Variants in TNNI3K observed in about 807,000 individuals in gnomAD.
TNNI3K encodes the protein TNNI3 interacting kinase, also known as serine/threonine-protein kinase TNNI3K.
In TNNI3K, 140 loss-of-function variants were observed where a neutral mutation model predicts 114.5. That is an observed-to-expected ratio of 1.22 (90% CI 1.07 to 1.41). The LOEUF (loss-of-function observed/expected upper bound fraction) is 1.41, where lower values mean the gene tolerates loss of function less well. TNNI3K is among the 40% of genes most tolerant of loss of function. TNNI3K has a pLI of 0.00. For synonymous variants in TNNI3K, 347 were observed against 347.5 expected, an observed-to-expected ratio of 1.00 and a Z score of 0.02; for missense variants, 1,125 against 1,007.6, an observed-to-expected ratio of 1.12 and a Z score of -1.58.
chr1:74,508,076 T>C (rs1470661967), intron 23 of TNNI3K, among the ~76,000 whole-genome samples: 1 of 152,224 alleles, frequency 6.6e-6, no homozygotes, highest in African/African-American at 2.4e-5. Context: ...TAGTGTATTC[T>C]AACACAGACG....
intron 23 of TNNI3K, among the ~76,000 whole-genome samples, chr1:74,529,636 T>C (rs1292248889): frequency 2.0e-5 from 3 of 152,220 alleles, no homozygotes; most frequent in Non-Finnish European, 4.4e-5. Flanking sequence ...ATGTCTTTAT[T>C]TTGGAAATAC....
intron 5 of TNNI3K, among the ~76,000 whole-genome samples, chr1:74,273,876 C>G (rs967471431): frequency 1.3e-5 from 2 of 151,732 alleles, no homozygotes; most frequent in Non-Finnish European, 2.9e-5. Context: ...AATTATTGAT[C>G]AAATAATAAA....
chr1:74,360,855 C>G (rs184352070), intron 11 of TNNI3K, among the ~76,000 whole-genome samples: 3 of 152,228 alleles, frequency 2.0e-5, no homozygotes, highest in East Asian at 3.9e-4. Context: ...CTGAAACACT[C>G]TCTTCTCTTA....
intron 5 of TNNI3K, among the ~76,000 whole-genome samples, chr1:74,311,755 G>C (rs908964311): frequency 2.0e-5 from 3 of 152,094 alleles, no homozygotes; most frequent in Non-Finnish European, 4.4e-5. Context: ...GCCTGTTTGA[G>C]TCTCTCCTCT....
At position 74,236,096 on chromosome 1, in the gene TNNI3K, T is replaced by C; in HGVS notation, c.41-6T>C. ...TGAATCAATCTCATTTGTTCTTCTT[T>C]ACTAGATGAATGGAAGAAAAAAGTC... is the stretch of plus-strand genomic sequence containing the variant. On this transcript the variant is annotated splice_region_variant and splice_polypyrimidine_tract_variant and intron_variant, in intron 1 of 24. Transcript: ENST00000326637. The C allele has an allele frequency of 6.2e-7, 1 of 1,602,692 alleles. No homozygotes were observed. The highest frequency in any genetic ancestry group is 8.5e-7 in the Non-Finnish European group (1 of 1,173,168).
chr1:74,375,789 A>G, intron 17 of TNNI3K: 1 of 348,462 alleles, frequency 2.9e-6, no homozygotes, highest in South Asian at 2.1e-5. Context: ...TTGAGTAATA[A>G]TAACACTCTT....
intron 17 of TNNI3K, among the ~76,000 whole-genome samples, chr1:74,402,469 A>G (rs1396949450): frequency 6.6e-6 from 1 of 152,202 alleles, no homozygotes; most frequent in Non-Finnish European, 1.5e-5. Flanking sequence ...GGAAGTCTTG[A>G]ACCATGGCAA....
At chr1:74,283,127 G>A (rs1384868351) in intron 5 of TNNI3K, among the ~76,000 whole-genome samples, 2 of 152,240 alleles carry the variant, frequency 1.3e-5, no homozygotes, top group African/African-American at 4.8e-5. Context: ...GTTTCTAAAA[G>A]TAAACCTTTC....
intron 17 of TNNI3K, among the ~76,000 whole-genome samples, chr1:74,429,609 G>A (rs1409043452): frequency 1.3e-5 from 2 of 152,112 alleles, no homozygotes; most frequent in Admixed American, 6.5e-5. Flanking sequence ...AAGGTCTGTG[G>A]CAGGAAGAGA....
chr1:74,511,649 G>A (rs924617871), intron 23 of TNNI3K, among the ~76,000 whole-genome samples: 1 of 152,030 alleles, frequency 6.6e-6, no homozygotes, highest in African/African-American at 2.4e-5. Flanking sequence ...GATCTCTTCA[G>A]TCCTGGGGGA....
intron 11 of TNNI3K, among the ~76,000 whole-genome samples, chr1:74,367,041 C>A (rs1662308837): frequency 6.6e-6 from 1 of 151,962 alleles, no homozygotes; most frequent in Non-Finnish European, 1.5e-5. Context: ...AGTACCCATT[C>A]CCAGTAGAGT....
intron 20 of TNNI3K, among the ~76,000 whole-genome samples, chr1:74,445,990 C>A (rs887070599): frequency 6.6e-6 from 1 of 152,122 alleles, no homozygotes; most frequent in African/African-American, 2.4e-5. Flanking sequence ...AATAATGCCA[C>A]AATAAACATA....
intron 20 of TNNI3K, among the ~76,000 whole-genome samples, chr1:74,448,542 G>T (rs1023655389): frequency 6.9e-6 from 1 of 145,232 alleles, no homozygotes; most frequent in Non-Finnish European, 1.5e-5. Flanking sequence ...TCTTGTGCCG[G>T]TTTTCAAAGG....
chr1:74,361,284 G>A (rs1395289578), intron 11 of TNNI3K, among the ~76,000 whole-genome samples: 3 of 151,874 alleles, frequency 2.0e-5, no homozygotes, highest in Non-Finnish European at 2.9e-5. Flanking sequence ...CTTTCAAGTT[G>A]AGCTTAAAAG....
intron 2 of TNNI3K, among the ~76,000 whole-genome samples, chr1:74,242,855 C>T (rs1366716438): frequency 6.6e-6 from 1 of 151,510 alleles, no homozygotes; most frequent in Non-Finnish European, 1.5e-5. Context: ...CTCTCTGCCT[C>T]TCTCTCTCTA....
At chr1:74,466,958 A>G (rs1429004787) in intron 21 of TNNI3K, among the ~76,000 whole-genome samples, 1 of 152,196 alleles carries the variant, frequency 6.6e-6, no homozygotes, top group Non-Finnish European at 1.5e-5. Flanking sequence ...TCTATAGTTA[A>G]CTGCCAAGGT....
At chr1:74,280,393 A>AT (rs1487256939) in intron 5 of TNNI3K, among the ~76,000 whole-genome samples, 2 of 113,866 alleles carry the variant, frequency 1.8e-5, no homozygotes, top group Admixed American at 1.8e-4. Flanking sequence ...AAAAAAAAAT[A>AT]AAATAAAATA....
chr1:74,419,674 A>T (rs944036739), intron 17 of TNNI3K, among the ~76,000 whole-genome samples: 2 of 152,148 alleles, frequency 1.3e-5, no homozygotes, highest in African/African-American at 4.8e-5. Context: ...GATATTCAGC[A>T]TATATATGAA....
intron 5 of TNNI3K, among the ~76,000 whole-genome samples, chr1:74,282,142 G>C (rs1261925932): frequency 6.6e-6 from 1 of 151,904 alleles, no homozygotes; most frequent in Non-Finnish European, 1.5e-5. Context: ...CACAGACTGA[G>C]TGAAATGTAT....
Sources: gnomAD v4.1 joint callset for allele counts (sites outside exome capture counted in the v4.1 genomes callset) on GRCh38, gnomAD v4.1.1 for gene constraint, MANE v1.5 for transcripts, NCBI Gene and HGNC (gene_info 2026-07-23, HGNC 2026-07-21) for gene names.